The following ACVR1 variants were observed in gnomAD, a reference collection of about 807,000 sequenced individuals.
The protein encoded by ACVR1 is activin receptor type-1.
A neutral mutation model predicts 57.1 loss-of-function variants in ACVR1; 38 were observed. That is an observed-to-expected ratio of 0.67 (90% CI 0.51 to 0.87). ACVR1 has a LOEUF of 0.87. Among genes scored for constraint, ACVR1 ranks in the 40% least tolerant of loss-of-function variants. The pLI, the probability that ACVR1 is intolerant of heterozygous loss-of-function variation, is 0.00. For synonymous variants in ACVR1, 212 were observed against 228.1 expected (o/e 0.93, Z 0.63); for missense variants, 463 against 638.2 (o/e 0.73, Z 2.96).
Position 157,780,476 on chromosome 2 carries a change from G to A in ACVR1, c.192C>T (p.His64=), listed in dbSNP as rs543026651. Residue 64 remains histidine, a synonymous_variant, in exon 4 of 11, where the codon CAC becomes CAT. Transcript: ENST00000434821. ...FSSLSINDGF[H]VYQKGCFQVY... Reference sequence around the variant, plus strand: ...CCTGGAAGCAGCCTTTCTGGTAGACGTGGAAGCCATCGTTGATGCTCAGTG... The same window carrying A: ...CCTGGAAGCAGCCTTTCTGGTAGACATGGAAGCCATCGTTGATGCTCAGTG... The A allele has an allele frequency of 5.4e-5, 87 of 1,614,112 alleles. No individual in the cohort carries two copies. The highest frequency in any genetic ancestry group is 4.9e-4 in the African/African-American group (37 of 75,014).
chr2:157,740,697 G>A (rs184167824), intron 9 of ACVR1, among the ~76,000 whole-genome samples: 3 of 152,274 alleles, frequency 2.0e-5, no homozygotes, highest in African/African-American at 7.2e-5. Context: ...AGGAAACAAA[G>A]CATGGCTGGA....
chr2:157,819,927 C>T (rs952082518), intron 1 of ACVR1, among the ~76,000 whole-genome samples: 2 of 152,088 alleles, frequency 1.3e-5, no homozygotes, highest in Admixed American at 1.3e-4. Context: ...GAAAACAGCG[C>T]CTTTTTTTTT....
intron 3 of ACVR1, among the ~76,000 whole-genome samples, chr2:157,782,356 T>G (rs1405721021): frequency 6.6e-6 from 1 of 152,098 alleles, no homozygotes; most frequent in Admixed American, 6.5e-5. Flanking sequence ...AAATCCAAAA[T>G]AGCCGCTGAC....
intron 9 of ACVR1, among the ~76,000 whole-genome samples, chr2:157,750,818 G>A (rs1685159951): frequency 6.6e-6 from 1 of 151,738 alleles, no homozygotes; most frequent in Non-Finnish European, 1.5e-5. Context: ...TGAGATATAA[G>A]AGAACACAAG....
chr2:157,874,990 AG>A (rs1690233847), intron 1 of ACVR1: 1 of 97,320 alleles, frequency 1.0e-5, no homozygotes. Flanking sequence ...TCAAATCTCC[AG>A]GGGAAAGGAG....
rs147997205 is a variant in ACVR1 at position 157,778,317 on chromosome 2, A to G, written c.357T>C (p.Asn119=). The G allele has an allele frequency of 3.7e-5, 59 of 1,614,026 alleles. No individual in the cohort carries two copies. The highest frequency in any genetic ancestry group is 5.0e-5 in the Admixed American group (3 of 60,014). The change falls in exon 5 of 11, where the codon AAT becomes AAC. Residue 119 remains asparagine, a synonymous_variant. Coordinates refer to ENST00000434821, the MANE Select transcript of ACVR1 (RefSeq NM_001111067.4). ...TAATGAGGCCAACCTCCAAGTGGAA[A>G]TTCTGTGTTCCAGGGAAGGATTTTC... ...TKGKSFPGTQ[N]FHLEVGLIIL...
intron 8 of ACVR1, among the ~76,000 whole-genome samples, chr2:157,765,670 C>T (rs1685835863): frequency 6.6e-6 from 1 of 152,194 alleles, no homozygotes; most frequent in South Asian, 2.1e-4. Flanking sequence ...TTACTTTCAA[C>T]TCTATCAAAG....
At chr2:157,759,794 A>C (rs1559040883) in intron 9 of ACVR1, among the ~76,000 whole-genome samples, 1 of 152,192 alleles carries the variant, frequency 6.6e-6, no homozygotes, top group East Asian at 1.9e-4. Flanking sequence ...CAACACATGC[A>C]AATTAATTAA....
chr2:157,738,433 T>C lies in ACVR1; in HGVS notation c.1395+7A>G, dbSNP rs778133291. 1.6e-4 allele frequency: 260 copies of C among 1,613,988 alleles called. No homozygotes were observed. Among genetic ancestry groups the C allele is most frequent in the Non-Finnish European group, 1.5e-4 (172 of 1,179,942 alleles). ...GAGCTCTAAAACTGAGAAACTGGCA[T>C]TCTTACCGGGTCTGAGAACCATCTG... On this transcript the variant is annotated splice_region_variant and intron_variant, in intron 10 of 10. Transcript: ENST00000434821.
chr2:157,790,980 T>C (rs765103858), intron 3 of ACVR1, among the ~76,000 whole-genome samples: 1 of 152,208 alleles, frequency 6.6e-6, no homozygotes, highest in Non-Finnish European at 1.5e-5. Context: ...CATGATCTCA[T>C]GATCTCACGT....
intron 1 of ACVR1, among the ~76,000 whole-genome samples, chr2:157,863,085 G>A (rs1293287928): frequency 7.4e-5 from 9 of 121,322 alleles, no homozygotes; most frequent in Admixed American, 1.2e-4. Flanking sequence ...GCGGTGGTGC[G>A]ATCTCGGCTC....
At chr2:157,760,629 A>G (rs907647441) in intron 9 of ACVR1, among the ~76,000 whole-genome samples, 1 of 152,246 alleles carries the variant, frequency 6.6e-6, no homozygotes, top group Non-Finnish European at 1.5e-5. Context: ...GAACAAATCC[A>G]AAGAAAAACC....
chr2:157,746,755 A>T lies in ACVR1; in HGVS notation c.1265-8185T>A, dbSNP rs538284736. Among the ~76,000 whole-genome samples, 7 of 152,360 alleles carry T rather than the reference A, an allele frequency of 4.6e-5. No homozygotes were observed. The South Asian group carries it at 1.4e-3, about 32-fold the overall frequency. On this transcript the variant is annotated intron_variant, in intron 9 of 10. Coordinates refer to ENST00000434821, the MANE Select transcript of ACVR1 (RefSeq NM_001111067.4). ...GTTTAAAAACTATCGATCCGAGTGA[A>T]CCCCTGCCTTAAGTTCATATGGAAA...
intron 9 of ACVR1, among the ~76,000 whole-genome samples, chr2:157,759,389 T>G (rs1349841069): frequency 6.6e-6 from 1 of 151,914 alleles, no homozygotes; most frequent in Non-Finnish European, 1.5e-5. Context: ...ATGGATATAA[T>G]CTACCAAGAT....
At chr2:157,778,371 G>C (rs1465166243) in intron 4 of ACVR1, 29 bp from the exon 5 acceptor site, 1 of 1,570,638 alleles carries the variant, frequency 6.4e-7, no homozygotes, top group African/African-American at 1.4e-5. Flanking sequence ...GGGGGAATTA[G>C]TTGTAAGGAT....
chr2:157,748,365 T>G (rs554503724), intron 9 of ACVR1, among the ~76,000 whole-genome samples: 1 of 152,202 alleles, frequency 6.6e-6, no homozygotes, highest in African/African-American at 2.4e-5. Context: ...TACAGTTTAT[T>G]TGGACACCAA....
intron 1 of ACVR1, among the ~76,000 whole-genome samples, chr2:157,868,795 G>C (rs942586596): frequency 6.6e-6 from 1 of 152,144 alleles, no homozygotes; most frequent in East Asian, 1.9e-4. Flanking sequence ...ATATTAACTT[G>C]ACAATAACTG....
At chr2:157,814,956 G>C (rs1266154798) in intron 2 of ACVR1, among the ~76,000 whole-genome samples, 1 of 152,108 alleles carries the variant, frequency 6.6e-6, no homozygotes, top group African/African-American at 2.4e-5. Context: ...GTGGTGGCGG[G>C]CACCTGTAGG....
chr2:157,868,004 T>C lies in ACVR1; in HGVS notation c.-183+7792A>G, dbSNP rs369042578. On this transcript the variant is annotated intron_variant, in intron 1 of 10. Transcript: ENST00000434821. ...GCCTGTCATTCAAAGTAAGCCATAA[T>C]GTGCCTCTAAATCTCCCTTTCTAAG... 3.7e-4 allele frequency among the ~76,000 whole-genome samples: 56 copies of C among 152,270 alleles called. No homozygotes were observed. The South Asian group carries it at 9.3e-3, about 25-fold the overall frequency.
Sources: gnomAD v4.1 joint callset for allele counts (sites outside exome capture counted in the v4.1 genomes callset) on GRCh38, gnomAD v4.1.1 for gene constraint, MANE v1.5 for transcripts, NCBI Gene and HGNC (gene_info 2026-07-23, HGNC 2026-07-21) for gene names.